SUMF1: variants seen among roughly 807,000 people sequenced by gnomAD.
SUMF1 encodes the protein formylglycine-generating enzyme.
Under a neutral mutation model 47.6 loss-of-function variants are expected in SUMF1, and 48 were observed. The ratio of observed to expected loss-of-function variants is 1.01; its 90% CI spans 0.80 to 1.28. The LOEUF (loss-of-function observed/expected upper bound fraction) is 1.28. Ranked by LOEUF, SUMF1 falls within the 50% of genes most tolerant of loss-of-function variation. SUMF1 has a pLI of 0.00. For synonymous variants in SUMF1, 230 were observed against 192.1 expected (o/e 1.20, Z -1.63); for missense variants, 571 against 485.4 (o/e 1.18, Z -1.66).
intron 8 of SUMF1, among the ~76,000 whole-genome samples, chr3:4,141,727 T>C (rs569500106): frequency 4.6e-5 from 7 of 152,084 alleles, no homozygotes; most frequent in Non-Finnish European, 1.0e-4. Flanking sequence ...TTATGGCACT[T>C]CATCCACAGA....
At chr3:4,062,338 T>C (rs1253051817) in intron 9 of SUMF1, among the ~76,000 whole-genome samples, 1 of 152,154 alleles carries the variant, frequency 6.6e-6, no homozygotes, top group East Asian at 1.9e-4. Context: ...AACATCAGAA[T>C]GATAATAATA....
intron 8 of SUMF1, among the ~76,000 whole-genome samples, chr3:4,120,246 C>T (rs917314919): frequency 1.8e-4 from 28 of 151,860 alleles, no homozygotes; most frequent in African/African-American, 5.8e-4. Context: ...TATTCATATT[C>T]GTATGCTCAG....
Position 4,452,881 on chromosome 3 carries a change from T to C in SUMF1, c.439A>G (p.Thr147Ala). The part of the protein sequence containing the change: ...EKFVNSTGYL[T>A]EAEKFGDSFV... Reference sequence around the variant, plus strand: ...CCTTTCCCCAATCCCATTACCTCTGTCAAATAGCCAGTTGAGTTCACAAAC... The same window carrying C: ...CCTTTCCCCAATCCCATTACCTCTGCCAAATAGCCAGTTGAGTTCACAAAC... The change falls in exon 2 of 9, where the codon ACA becomes GCA. Residue 147 changes from threonine (T) to alanine (A), a missense_variant. Coordinates refer to ENST00000272902, the MANE Select transcript of SUMF1 (RefSeq NM_182760.4). 6.2e-7 allele frequency: 1 copy of C among 1,614,206 alleles called. No homozygotes were observed. Among genetic ancestry groups the C allele is most frequent in the East Asian group, 2.2e-5 (1 of 44,892 alleles).
chr3:4,157,474 A>C (rs1559519785), intron 8 of SUMF1, among the ~76,000 whole-genome samples: 1 of 151,532 alleles, frequency 6.6e-6, no homozygotes, highest in Non-Finnish European at 1.5e-5. Context: ...CTTTCCCCAA[A>C]ATATTTTTAA....
At chr3:4,143,983 TC>T (rs1694134161) in intron 8 of SUMF1, among the ~76,000 whole-genome samples, 1 of 80,408 alleles carries the variant, frequency 1.2e-5, no homozygotes. Flanking sequence ...CACTGTCTTC[TC>T]TCTCTTTTTT....
chr3:4,412,782 C>A (rs897300200), intron 6 of SUMF1, among the ~76,000 whole-genome samples: 1 of 152,058 alleles, frequency 6.6e-6, no homozygotes, highest in African/African-American at 2.4e-5. Context: ...CCCAGCTACT[C>A]AGGAGGCTGA....
intron 8 of SUMF1, among the ~76,000 whole-genome samples, chr3:4,244,421 C>T (rs1696614670): frequency 1.3e-5 from 2 of 152,174 alleles, no homozygotes; most frequent in African/African-American, 2.4e-5. Context: ...ATGTTTACTG[C>T]ATCCTTCAGG....
intron 9 of SUMF1, among the ~76,000 whole-genome samples, chr3:4,046,146 C>T (rs952627346): frequency 2.0e-5 from 3 of 152,120 alleles, no homozygotes; most frequent in African/African-American, 7.2e-5. Context: ...GAACCTACTC[C>T]AAATTCTAGC....
intron 7 of SUMF1, among the ~76,000 whole-genome samples, chr3:4,403,739 T>TGTTGGAGA (rs1701287808): frequency 6.6e-6 from 1 of 152,150 alleles, no homozygotes; most frequent in African/African-American, 2.4e-5. Context: ...TTGCCCCAAG[T>TGTTGGAGA]GTTGGAGAGT....
At chr3:4,410,309 A>G (rs1406015395) in intron 7 of SUMF1, among the ~76,000 whole-genome samples, 1 of 152,190 alleles carries the variant, frequency 6.6e-6, no homozygotes, top group Non-Finnish European at 1.5e-5. Context: ...TTGGACAAAC[A>G]TGGTTGCCTT....
In SUMF1 at chr3:4,292,995, G is replaced by C. The variant is rs141218448; in HGVS notation, c.1014+83335C>G. Among the ~76,000 whole-genome samples, 473 of 152,092 alleles carry C rather than the reference G, an allele frequency of 3.1e-3. 2 individuals are homozygous for C. Among genetic ancestry groups the C allele is most frequent in the African/African-American group, 0.011 (452 of 41,450 alleles). ...CCAGAACGTGAAATTTAATCTTCCA[G>C]AGCTCAAACTAACAAAGCAAAGATG... On this transcript the variant is annotated intron_variant and NMD_transcript_variant, in intron 8 of 12. Coordinates refer to the SUMF1 transcript ENST00000448413.
intron 8 of SUMF1, among the ~76,000 whole-genome samples, chr3:4,127,463 G>A (rs1693680900): frequency 1.3e-5 from 2 of 152,114 alleles, no homozygotes; most frequent in African/African-American, 4.8e-5. Context: ...TGCCAGTAAG[G>A]CTAGAATATA....
chr3:4,317,164 C>T (rs770155094), intron 8 of SUMF1: 28 of 1,549,442 alleles, frequency 1.8e-5, no homozygotes, highest in African/African-American at 1.5e-4. Context: ...TCCCAAAGCA[C>T]GGATTTTTAC....
chr3:4,353,346 A>G (rs181295407), intron 8 of SUMF1, among the ~76,000 whole-genome samples: 5,567 of 152,218 alleles, frequency 0.037, 344 homozygotes, highest in African/African-American at 0.13. Flanking sequence ...TCCGCCTCCC[A>G]GGTTCACACC....
intron 8 of SUMF1, among the ~76,000 whole-genome samples, chr3:4,122,134 G>A (rs1693559026): frequency 6.6e-6 from 1 of 151,906 alleles, no homozygotes; most frequent in African/African-American, 2.4e-5. Context: ...CATTTAGGTT[G>A]ATTCCATGTC....
intron 3 of SUMF1, among the ~76,000 whole-genome samples, chr3:4,443,087 G>T (rs910077625): frequency 1.3e-5 from 2 of 150,630 alleles, no homozygotes; most frequent in Non-Finnish European, 3.0e-5. Context: ...ACCAGTCTGA[G>T]CAACATGACA....
At chr3:4,265,851 T>C (rs1321133619) in intron 8 of SUMF1, among the ~76,000 whole-genome samples, 3 of 152,228 alleles carry the variant, frequency 2.0e-5, no homozygotes, top group African/African-American at 4.8e-5. Flanking sequence ...CCTAGGGTTT[T>C]TATGGTTTTA....
intron 8 of SUMF1, among the ~76,000 whole-genome samples, chr3:4,310,577 C>T (rs73026638): frequency 2.6e-5 from 4 of 152,240 alleles, no homozygotes; most frequent in African/African-American, 4.8e-5. Context: ...GCAGTTCATT[C>T]GGAATTAGCT....
Position 4,139,661 on chromosome 3 carries a change from G to A in SUMF1, c.1015-70916C>T, listed in dbSNP as rs73114456. ...TTACCAGGGCACGACTGATTTTAGT[G>A]TTATCTTCCTGCAGGAAAGAGGACT... On this transcript the variant is annotated intron_variant and NMD_transcript_variant, in intron 8 of 12. Coordinates refer to the SUMF1 transcript ENST00000448413. Among the ~76,000 whole-genome samples the A allele has an allele frequency of 9.3e-3, 1,403 of 151,532 alleles. 22 individuals carry two copies. Among genetic ancestry groups the A allele is most frequent in the African/African-American group, 0.032 (1,340 of 41,326 alleles).
Sources: gnomAD v4.1 joint callset for allele counts (sites outside exome capture counted in the v4.1 genomes callset) on GRCh38, gnomAD v4.1.1 for gene constraint, MANE v1.5 for transcripts, NCBI Gene and HGNC (gene_info 2026-07-23, HGNC 2026-07-21) for gene names.